Variants in ACOT12 observed in about 807,000 individuals in gnomAD.
The protein encoded by ACOT12 is acetyl-coenzyme A thioesterase.
ACOT12 carries 51 observed loss-of-function variants against 67.7 expected under a neutral mutation model. The observed-to-expected ratio is 0.75, with a 90% CI of 0.60 to 0.95. ACOT12 has a LOEUF of 0.95. ACOT12 is among the 40% of genes least tolerant of loss of function. The pLI is 0.00. For missense variants in ACOT12, 734 were observed against 708.1 expected (o/e 1.04, Z -0.41); for synonymous variants, 251 against 244.6 (o/e 1.03, Z -0.24).
chr5:81,332,686 C>T, intron 12 of ACOT12, 81 bp from the exon 13 acceptor site: 2 of 1,536,704 alleles, frequency 1.3e-6, no homozygotes, highest in Non-Finnish European at 1.8e-6. Flanking sequence ...TACATAATCT[C>T]ATTATTTGTA....
In ACOT12 at chr5:81,363,811, C is replaced by G; in HGVS notation, c.337G>C (p.Ala113Pro). ...ACCTTTTCTTTTCCAACTGGTTTGG[C>G]TACAAATGTGGAGAAAGCCACACTA... ...LVSVAFSTFV[A>P]KPVGKEKIHL... The change falls in exon 4 of 15, where the codon GCC (alanine) becomes CCC (proline). Residue 113 changes from alanine (A) to proline (P), a missense_variant. Physicochemically the swap from Ala to Pro is conservative, Grantham distance 27 (BLOSUM62 -1). Transcript: ENST00000307624. 6.2e-7 allele frequency: 1 copy of G among 1,610,806 alleles called. No individual in the cohort carries two copies. The highest frequency in any genetic ancestry group is 8.5e-7 in the Non-Finnish European group (1 of 1,178,480).
chr5:81,363,785 T>C lies in ACOT12; in HGVS notation c.360+3A>G, dbSNP rs375495115. On this transcript the variant is annotated splice_donor_region_variant and intron_variant, in intron 4 of 14. Coordinates refer to ENST00000307624, the MANE Select transcript of ACOT12 (RefSeq NM_130767.3). ...TAGATACATCTTCACATACAAAATTTACCTTTTCTTTTCCAACTGGTTTGG... is the reference window on the plus strand; with the variant it reads ...TAGATACATCTTCACATACAAAATTCACCTTTTCTTTTCCAACTGGTTTGG... The C allele has an allele frequency of 1.9e-6, 3 of 1,606,596 alleles. No individual in the cohort carries two copies. The highest frequency in any genetic ancestry group is 2.5e-6 in the Non-Finnish European group (3 of 1,176,592).
downstream of ACOT12, among the ~76,000 whole-genome samples, chr5:81,328,092 T>C (rs1406167989): frequency 6.6e-6 from 1 of 152,246 alleles, no homozygotes; most frequent in East Asian, 1.9e-4. Context: ...CCAGAAACAC[T>C]CCCTTGCTTA....
At chr5:81,329,516 A>C (rs957717240), downstream of ACOT12, among the ~76,000 whole-genome samples, 1 of 152,200 alleles carries the variant, frequency 6.6e-6, no homozygotes, top group Admixed American at 6.5e-5. Flanking sequence ...CAGAGGTAGA[A>C]CTTTAGCAAA....
In ACOT12 at chr5:81,394,096, C is replaced by A. The variant is rs1235908446; in HGVS notation, c.19G>T (p.Gly7Cys). Residue 7 changes from glycine (G) to cysteine (C), a missense_variant, in exon 1 of 15, where the codon GGC becomes TGC. Coordinates refer to ENST00000307624, the MANE Select transcript of ACOT12 (RefSeq NM_130767.3). Reference sequence around the variant, plus strand: ...ATGGCTTGGCTCATGACCACCTCGCCGGGCGCCGGCCGCTCCATGGCCAGG... The same window carrying A: ...ATGGCTTGGCTCATGACCACCTCGCAGGGCGCCGGCCGCTCCATGGCCAGG... MERPAP[G>C]EVVMSQAIQP... 6.9e-7 allele frequency: 1 copy of A among 1,456,288 alleles called. No individual in the cohort carries two copies. Among genetic ancestry groups the A allele is most frequent in the Non-Finnish European group, 9.0e-7 (1 of 1,109,618 alleles). The allele number at this position is 1,456,288 out of a possible 1,614,324, so 90.2% of individuals were successfully genotyped here. A position where few individuals can be genotyped will look rare whatever the true frequency, so the allele number is the denominator to read the frequency against.
intron 2 of ACOT12, among the ~76,000 whole-genome samples, chr5:81,374,425 C>T (rs557375488): frequency 6.6e-6 from 1 of 152,134 alleles, no homozygotes. Flanking sequence ...AACCAGAATG[C>T]CTCTTCTCCT....
intron 2 of ACOT12, among the ~76,000 whole-genome samples, chr5:81,379,401 G>A (rs908056218): frequency 7.2e-5 from 11 of 151,984 alleles, no homozygotes; most frequent in Non-Finnish European, 1.6e-4. Context: ...GATGGGTGCA[G>A]CAAACCACCA....
In ACOT12 at chr5:81,342,624, T is replaced by G. The variant is rs1279975756; in HGVS notation, c.1128+48A>C. The G allele has an allele frequency of 3.8e-6, 6 of 1,582,348 alleles. No homozygotes were observed. In the South Asian group the frequency reaches 6.7e-5, roughly 18 times the overall value. ...AGTAGAACCACCACCACCACAGCTT[T>G]CGTTTGTGATGGGCGATGGATTATG... On this transcript the variant is annotated intron_variant, in intron 11 of 14. Transcript: ENST00000307624.
At chr5:81,349,649 T>G (rs1203989101) in intron 5 of ACOT12, among the ~76,000 whole-genome samples, 1 of 152,226 alleles carries the variant, frequency 6.6e-6, no homozygotes, top group African/African-American at 2.4e-5. Flanking sequence ...TTATGTTATT[T>G]GTGTGCCCTT....
rs1428570956 is a variant in ACOT12, at chr5:81,371,947, G to T, written c.198-137C>A. ...ATAATTTTCATGCATGCGAAATTCAGGTTAATGATAATGGAAAAAGACAAC... is the reference window on the plus strand; with the variant it reads ...ATAATTTTCATGCATGCGAAATTCATGTTAATGATAATGGAAAAAGACAAC... On this transcript the variant is annotated intron_variant, in intron 2 of 14. Coordinates refer to ENST00000307624, the MANE Select transcript of ACOT12 (RefSeq NM_130767.3). 10 of 709,248 alleles carry T rather than the reference G, an allele frequency of 1.4e-5. No homozygotes were observed. The African/African-American group carries it at 1.8e-4, about 13-fold the overall frequency. 43.9% of individuals were successfully genotyped at this position (709,248 alleles called of 1,614,324 possible).
At chr5:81,391,081 C>T (rs756497985) in intron 1 of ACOT12, among the ~76,000 whole-genome samples, 3 of 152,156 alleles carry the variant, frequency 2.0e-5, no homozygotes, top group Non-Finnish European at 4.4e-5. Context: ...AATCTGTCTA[C>T]CTAGAGATGG....
At chr5:81,359,845 A>T in intron 5 of ACOT12, 58 bp downstream of exon 5, 1 of 1,530,818 alleles carries the variant, frequency 6.5e-7, no homozygotes, top group Non-Finnish European at 8.9e-7. Flanking sequence ...CTCTAAGAAA[A>T]GACTCCTTTG....
At chr5:81,344,480 A>G (rs1325619577) in intron 8 of ACOT12, among the ~76,000 whole-genome samples, 1 of 152,210 alleles carries the variant, frequency 6.6e-6, no homozygotes, top group African/African-American at 2.4e-5. Flanking sequence ...CCAGAATTAT[A>G]CTTAATTCTC....
chr5:81,359,963 C>CT lies in ACOT12; in HGVS notation c.435dup (p.Val146SerfsTer6), dbSNP rs1170925601. On this transcript the variant is annotated frameshift_variant, in exon 5 of 15. Transcript: ENST00000307624. LOFTEE classifies it high-confidence loss of function. ...AAGGTATCTTCATGTTGTAATCGAA[C>CT]TTTCCTTCTCTCAGCAGCCAGATTA... 1.2e-6 allele frequency: 2 copies of CT among 1,612,722 alleles called. No homozygotes were observed. Among genetic ancestry groups the CT allele is most frequent in the Non-Finnish European group, 1.7e-6 (2 of 1,179,656 alleles).
intron 11 of ACOT12, among the ~76,000 whole-genome samples, chr5:81,340,833 T>C (rs1050990627): frequency 6.6e-6 from 1 of 152,228 alleles, no homozygotes; most frequent in Non-Finnish European, 1.5e-5. Context: ...AAAATCAGAT[T>C]TTTATCATAA....
chr5:81,383,735 T>TAA (rs976624793), intron 2 of ACOT12, among the ~76,000 whole-genome samples: 1 of 136,396 alleles, frequency 7.3e-6, no homozygotes, highest in Admixed American at 7.3e-5. Context: ...GTTTAAAAGG[T>TAA]AAAAAAAAAA....
rs201002766 is a variant in ACOT12, at chr5:81,380,579, AAG to A, written c.197+5176_197+5177del. ...ACTGTCTTAGAAAAAAAAAAAAAAA[AAG>A]AAAAGAAATCTATCCCACAAATATA... is the stretch of plus-strand genomic sequence containing the variant. On this transcript the variant is annotated intron_variant, in intron 2 of 14. Coordinates refer to ENST00000307624, the MANE Select transcript of ACOT12 (RefSeq NM_130767.3). Among the ~76,000 whole-genome samples, 432 of 125,042 alleles carry A rather than the reference AAG, an allele frequency of 3.5e-3. 26 individuals carry two copies. The highest frequency in any genetic ancestry group is 0.01 in the African/African-American group (377 of 36,940). 82.0% of individuals were successfully genotyped at this position (125,042 alleles called of 152,430 possible).
the ACOT12 span, among the ~76,000 whole-genome samples, chr5:81,323,830 ATATATG>A: frequency 1.6e-3 from 241 of 146,408 alleles, 2 homozygotes; most frequent in Admixed American, 0.016. Context: ...TGTATAAAAT[ATATATG>A]TATATGTATA....
At chr5:81,382,733 C>A (rs760196281) in intron 2 of ACOT12, among the ~76,000 whole-genome samples, 1 of 151,236 alleles carries the variant, frequency 6.6e-6, no homozygotes, top group Non-Finnish European at 1.5e-5. Flanking sequence ...ACCTGGGAGG[C>A]GGAGGTTGCA....
Sources: allele counts gnomAD v4.1 joint callset (sites outside exome capture counted in the v4.1 genomes callset), GRCh38; gene constraint gnomAD v4.1.1; transcripts MANE v1.5; gene names NCBI Gene and HGNC (gene_info 2026-07-23, HGNC 2026-07-21).